Variants in CUL3 observed in about 807,000 individuals in gnomAD.
CUL3 encodes the protein cullin 3, also known as cullin-3.
CUL3 carries 19 observed loss-of-function variants against 89.1 expected under a neutral mutation model. The observed-to-expected ratio is 0.21, with a 90% CI of 0.15 to 0.31. The LOEUF is 0.31. Among genes scored for constraint, CUL3 ranks in the 10% least tolerant of loss-of-function variants. The pLI is 1.00. For missense variants in CUL3, 469 were observed against 942.3 expected, an observed-to-expected ratio of 0.50 and a Z score of 6.58; for synonymous variants, 351 against 308.4, an observed-to-expected ratio of 1.14 and a Z score of -1.45.
At chr2:224,544,420 G>A (rs1422147249) in intron 2 of CUL3, among the ~76,000 whole-genome samples, 2 of 152,042 alleles carry the variant, frequency 1.3e-5, no homozygotes, top group African/African-American at 4.8e-5. Flanking sequence ...AGCACTTAAT[G>A]CCATAACTTC....
rs141724287 is a variant in CUL3, at chr2:224,476,698, A to T, written c.2175+1502T>A. On this transcript the variant is annotated intron_variant, in intron 15 of 15. Coordinates refer to ENST00000264414, the MANE Select transcript of CUL3 (RefSeq NM_003590.5). Reference sequence around the variant, plus strand: ...ACATCTGTGTCAGTACACTACCATCATCATACTCTCTATACAATCCTCACC... The same window carrying T: ...ACATCTGTGTCAGTACACTACCATCTTCATACTCTCTATACAATCCTCACC... Among the ~76,000 whole-genome samples, 8 of 152,284 alleles carry T rather than the reference A, an allele frequency of 5.3e-5. No homozygotes were observed. In the East Asian group the frequency reaches 1.5e-3, roughly 29 times the overall value.
rs1240587110 is a variant in CUL3, at chr2:224,471,662, CAT to C, written c.*2581_*2582del. On this transcript the variant is annotated 3_prime_UTR_variant, in exon 16 of 16. Coordinates refer to ENST00000264414, the MANE Select transcript of CUL3 (RefSeq NM_003590.5). ...CCCATTCCCTTTTTAAGTTCACTGA[CAT>C]AAAGAATCCTTGCAATCACAACCAC... The C allele has an allele frequency of 9.2e-6, 2 of 216,714 alleles. No homozygotes were observed. The highest frequency in any genetic ancestry group is 2.3e-5 in the African/African-American group (1 of 44,418). 13.4% of individuals were successfully genotyped at this position (216,714 alleles called of 1,614,324 possible).
At chr2:224,495,349 C>G (rs1248625501) in intron 13 of CUL3, 1 of 152,358 alleles carries the variant, frequency 6.6e-6, no homozygotes, top group Non-Finnish European at 1.5e-5. Context: ...AACCCAAATG[C>G]AGGTGAACTG....
chr2:224,551,274 C>T (rs902715855), intron 2 of CUL3, among the ~76,000 whole-genome samples: 4 of 149,160 alleles, frequency 2.7e-5, no homozygotes, highest in South Asian at 2.1e-4. Context: ...GGTGTGATCA[C>T]GGCTCACTGC....
chr2:224,526,983 T>C (rs1693504611), intron 3 of CUL3, among the ~76,000 whole-genome samples: 1 of 152,190 alleles, frequency 6.6e-6, no homozygotes, highest in Middle Eastern at 3.2e-3. Context: ...CTTTACAGTA[T>C]TTCATGATGC....
rs1692330282 is a variant in CUL3 at position 224,500,305 on chromosome 2, A to G, written c.1610+58T>C. 4 of 1,578,278 alleles carry G rather than the reference A, an allele frequency of 2.5e-6. No homozygotes were observed. In the South Asian group the frequency reaches 4.5e-5, roughly 18 times the overall value. Reference sequence around the variant, plus strand: ...ATTACGGATACTAATGTTCAAATTCATTTTTAATTTTGAACACTTACTTGT... The same window carrying G: ...ATTACGGATACTAATGTTCAAATTCGTTTTTAATTTTGAACACTTACTTGT... On this transcript the variant is annotated intron_variant, in intron 11 of 15. Coordinates refer to ENST00000264414, the MANE Select transcript of CUL3 (RefSeq NM_003590.5).
intron 3 of CUL3, 79 bp from the exon 4 acceptor site, chr2:224,514,851 G>A (rs1692978824): frequency 9.6e-6 from 10 of 1,037,758 alleles, no homozygotes; most frequent in Non-Finnish European, 1.4e-5. Context: ...ACAAATAAAG[G>A]AAATAAAATT....
intron 1 of CUL3, among the ~76,000 whole-genome samples, chr2:224,576,933 G>A (rs976198652): frequency 4.6e-5 from 7 of 152,102 alleles, no homozygotes; most frequent in African/African-American, 1.7e-4. Flanking sequence ...GTATCCCAGT[G>A]GTACTAAACC....
At chr2:224,551,545 G>A (rs1292749448) in intron 2 of CUL3, among the ~76,000 whole-genome samples, 1 of 144,958 alleles carries the variant, frequency 6.9e-6, no homozygotes, top group East Asian at 2.0e-4. Flanking sequence ...GTCTCACTAT[G>A]TTGCTCAGGC....
At chr2:224,543,411 A>C (rs547972548) in intron 2 of CUL3, among the ~76,000 whole-genome samples, 1 of 152,362 alleles carries the variant, frequency 6.6e-6, no homozygotes, top group Admixed American at 6.5e-5. Flanking sequence ...AAAGTATCAC[A>C]GAGGTACAAT....
intron 3 of CUL3, among the ~76,000 whole-genome samples, chr2:224,526,619 A>T (rs542208375): frequency 1.7e-4 from 26 of 151,382 alleles, no homozygotes; most frequent in African/African-American, 5.8e-4. Context: ...AAAGAAAAGA[A>T]AAACAAATAA....
chr2:224,500,330 TAC>T, intron 11 of CUL3, 31 bp downstream of exon 11: 1 of 1,610,780 alleles, frequency 6.2e-7, no homozygotes, highest in Non-Finnish European at 8.5e-7. Flanking sequence ...CACTTACTTG[TAC>T]ACAGTGATAC....
intron 1 of CUL3, among the ~76,000 whole-genome samples, chr2:224,577,131 T>TA (rs1308045687): frequency 7.2e-5 from 11 of 152,238 alleles, no homozygotes; most frequent in Admixed American, 5.9e-4. Flanking sequence ...TAAATATTGG[T>TA]ATAATAATAG....
At chr2:224,518,341 A>G (rs1693141824) in intron 3 of CUL3, among the ~76,000 whole-genome samples, 8 of 152,238 alleles carry the variant, frequency 5.3e-5, no homozygotes. Context: ...ACTCCATTGC[A>G]TGGATACACC....
chr2:224,472,715 TA>T lies in CUL3; in HGVS notation c.*1529del. 1 of 195,308 alleles carries T rather than the reference TA, an allele frequency of 5.1e-6. No individual in the cohort carries two copies. Among genetic ancestry groups the T allele is most frequent in the Non-Finnish European group, 1.1e-5 (1 of 93,606 alleles). The allele number at this position is 195,308 out of a possible 1,614,324, so 12.1% of individuals were successfully genotyped here. A position where few individuals can be genotyped will look rare whatever the true frequency, so the allele number is the denominator to read the frequency against. On this transcript the variant is annotated 3_prime_UTR_variant, in exon 16 of 16. Transcript: ENST00000264414. ...TGCAATAAAAGCATATTTGCAAGTCTAAAAGGAAAATTATAACCCAAGACGC... is the reference window on the plus strand; with the variant it reads ...TGCAATAAAAGCATATTTGCAAGTCTAAAGGAAAATTATAACCCAAGACGC...
chr2:224,500,098 C>T, intron 11 of CUL3: 1 of 302,672 alleles, frequency 3.3e-6, no homozygotes, highest in Non-Finnish European at 6.3e-6. Flanking sequence ...TCTCTTTTTC[C>T]ATTTTTACTG....
chr2:224,489,207 A>T (rs1236159266), intron 13 of CUL3, among the ~76,000 whole-genome samples: 1 of 152,232 alleles, frequency 6.6e-6, no homozygotes, highest in African/African-American at 2.4e-5. Context: ...CAAGACAAGG[A>T]TGCCCTCTCT....
At chr2:224,486,520 G>C (rs922544708) in intron 13 of CUL3, among the ~76,000 whole-genome samples, 1 of 151,872 alleles carries the variant, frequency 6.6e-6, no homozygotes, top group Non-Finnish European at 1.5e-5. Flanking sequence ...GGATATCAAA[G>C]ACAGAAGATC....
At chr2:224,478,373 TA>T in intron 14 of CUL3, 28 bp from the exon 15 acceptor site, 1 of 1,585,546 alleles carries the variant, frequency 6.3e-7, no homozygotes, top group South Asian at 1.2e-5. Context: ...ACATTTATCA[TA>T]AATCTAATTT....
Sources: gnomAD v4.1 joint callset for allele counts (sites outside exome capture counted in the v4.1 genomes callset) on GRCh38, gnomAD v4.1.1 for gene constraint, MANE v1.5 for transcripts, NCBI Gene and HGNC (gene_info 2026-07-23, HGNC 2026-07-21) for gene names.